The following PCSK5 variants were observed in gnomAD, a reference collection of about 807,000 sequenced individuals.
The protein encoded by PCSK5 is prohormone convertase 5.
PCSK5 carries 129 observed loss-of-function variants against 233.2 expected under a neutral mutation model. The ratio of observed to expected loss-of-function variants is 0.55; its 90% CI spans 0.48 to 0.64. The LOEUF (loss-of-function observed/expected upper bound fraction) is 0.64, where lower values mean the gene tolerates loss of function less well. PCSK5 is among the 30% of genes least tolerant of loss of function. The pLI is 0.00. For missense variants in PCSK5, 2,076 were observed against 2,430.1 expected (o/e 0.85, Z 3.06); for synonymous variants, 825 against 879.2 (o/e 0.94, Z 1.09).
chr9:76,290,555 C>T (rs1358763282), intron 24 of PCSK5, among the ~76,000 whole-genome samples: 2 of 152,148 alleles, frequency 1.3e-5, no homozygotes, highest in African/African-American at 2.4e-5. Context: ...AAACCTCTAC[C>T]CCAAGGAGCT....
At chr9:76,285,733 A>G (rs983512567) in intron 24 of PCSK5, among the ~76,000 whole-genome samples, 9 of 152,174 alleles carry the variant, frequency 5.9e-5, no homozygotes, top group African/African-American at 2.2e-4. Flanking sequence ...TAGACATTCT[A>G]TGATAAAAGG....
At chr9:76,050,846 C>T (rs1829599092) in intron 5 of PCSK5, among the ~76,000 whole-genome samples, 1 of 152,106 alleles carries the variant, frequency 6.6e-6, no homozygotes, top group East Asian at 1.9e-4. Flanking sequence ...TGGTTTATGT[C>T]TTCACCAAGA....
chr9:75,967,001 C>T (rs1461085346), intron 2 of PCSK5, among the ~76,000 whole-genome samples: 1 of 152,182 alleles, frequency 6.6e-6, no homozygotes, highest in African/African-American at 2.4e-5. Context: ...AGGAAATAGT[C>T]TTCAAGGGGG....
chr9:76,250,808 A>G (rs1326623050), intron 24 of PCSK5, among the ~76,000 whole-genome samples: 2 of 152,244 alleles, frequency 1.3e-5, no homozygotes, highest in African/African-American at 4.8e-5. Context: ...TAACCACATT[A>G]TAATAAAAAT....
intron 3 of PCSK5, among the ~76,000 whole-genome samples, chr9:76,009,609 G>C (rs1212487758): frequency 6.7e-6 from 1 of 149,792 alleles, no homozygotes; most frequent in African/African-American, 2.5e-5. Context: ...CCTGGCGACA[G>C]AGCGAGACTC....
intron 3 of PCSK5, among the ~76,000 whole-genome samples, chr9:75,993,975 T>C (rs1826886481): frequency 6.6e-6 from 1 of 152,176 alleles, no homozygotes; most frequent in Non-Finnish European, 1.5e-5. Context: ...ATCATTTATA[T>C]AAATGGTTTA....
intron 6 of PCSK5, among the ~76,000 whole-genome samples, chr9:76,069,128 A>G (rs1830390681): frequency 6.6e-6 from 1 of 152,152 alleles, no homozygotes; most frequent in African/African-American, 2.4e-5. Context: ...GTTAAGCAGT[A>G]ATTAATTAGC....
chr9:75,929,536 C>T (rs977261675), intron 1 of PCSK5, among the ~76,000 whole-genome samples: 1 of 151,896 alleles, frequency 6.6e-6, no homozygotes, highest in African/African-American at 2.4e-5. Context: ...AAGAGGAGTT[C>T]AGCTGGAGAG....
chr9:76,263,074 T>C (rs1483862281), intron 24 of PCSK5, among the ~76,000 whole-genome samples: 2 of 151,894 alleles, frequency 1.3e-5, no homozygotes, highest in Admixed American at 6.6e-5. Flanking sequence ...AAAACCACAA[T>C]GAGATATCAT....
At chr9:76,287,256 CT>C in intron 24 of PCSK5, 1 of 224,804 alleles carries the variant, frequency 4.4e-6, no homozygotes. Context: ...TACCCTCTCC[CT>C]TCACCCAGAA....
intron 5 of PCSK5, among the ~76,000 whole-genome samples, chr9:76,033,047 G>A (rs1007064944): frequency 2.0e-5 from 3 of 152,150 alleles, no homozygotes; most frequent in Non-Finnish European, 4.4e-5. Flanking sequence ...AGTGAATTTC[G>A]TCTAGTTCTT....
chr9:76,122,827 C>CTTTTTTTTTTT (rs71372050), intron 9 of PCSK5, among the ~76,000 whole-genome samples: 69 of 126,874 alleles, frequency 5.4e-4, no homozygotes, highest in Non-Finnish European at 6.7e-4. Flanking sequence ...TTTTTTTTTT[C>CTTTTTTTTTTT]TTTTTTTTTT....
At chr9:75,998,900 A>G (rs1325286871) in intron 3 of PCSK5, among the ~76,000 whole-genome samples, 2 of 152,286 alleles carry the variant, frequency 1.3e-5, no homozygotes, top group South Asian at 4.1e-4. Flanking sequence ...TCATAAAACC[A>G]TATTACTATC....
rs537369996 is a variant in PCSK5, at chr9:76,332,305, G to A, written c.4571-128G>A. On this transcript the variant is annotated intron_variant, in intron 33 of 37. Transcript: ENST00000674117. ...TCTTATTTCCCAAACATATCCATCA[G>A]CTCACAGGATCATCCCATTCCTCCT... The A allele has an allele frequency of 7.8e-6, 5 of 638,662 alleles. No homozygotes were observed. The South Asian group carries it at 9.8e-5, about 13-fold the overall frequency. 39.6% of individuals were successfully genotyped at this position (638,662 alleles called of 1,614,324 possible).
intron 1 of PCSK5, among the ~76,000 whole-genome samples, chr9:75,929,893 C>T (rs1823700907): frequency 6.7e-6 from 1 of 148,522 alleles, no homozygotes; most frequent in Admixed American, 6.7e-5. Flanking sequence ...GACAGAGTCT[C>T]ACTCTGTTGC....
At chr9:76,318,466 T>TA (rs5898471) in intron 30 of PCSK5, among the ~76,000 whole-genome samples, 31,358 of 145,984 alleles carry the variant, frequency 0.21, 3,368 homozygotes, top group African/African-American at 0.25. Context: ...ATTTAAAGTA[T>TA]AAAAAAAAAA....
At chr9:76,189,261 C>CTAAG (rs780231466) in intron 19 of PCSK5, 38 bp downstream of exon 19, 6 of 1,583,128 alleles carry the variant, frequency 3.8e-6, no homozygotes, top group African/African-American at 2.7e-5. Flanking sequence ...GCATTTAGAC[C>CTAAG]TAAGTTCTTT....
chr9:75,897,977 C>T (rs963007161), intron 1 of PCSK5, among the ~76,000 whole-genome samples: 2 of 152,066 alleles, frequency 1.3e-5, no homozygotes, highest in Non-Finnish European at 2.9e-5. Flanking sequence ...AGCAGATAAG[C>T]GTACTGGGAA....
intron 2 of PCSK5, among the ~76,000 whole-genome samples, chr9:75,954,609 C>T (rs561050459): frequency 6.6e-6 from 1 of 152,218 alleles, no homozygotes; most frequent in East Asian, 1.9e-4. Context: ...GCTTGGCTCT[C>T]CAGAACATCC....
Sources: gnomAD v4.1 joint callset for allele counts (sites outside exome capture counted in the v4.1 genomes callset) on GRCh38, gnomAD v4.1.1 for gene constraint, MANE v1.5 for transcripts, NCBI Gene and HGNC (gene_info 2026-07-23, HGNC 2026-07-21) for gene names.